EEA1: variants seen among roughly 807,000 people sequenced by gnomAD.
EEA1 encodes early endosome antigen 1, 162kD.
A neutral mutation model predicts 209.2 loss-of-function variants in EEA1; 111 were observed. That is an observed-to-expected ratio of 0.53 (90% CI 0.45 to 0.62). The LOEUF (loss-of-function observed/expected upper bound fraction) is 0.62. Among genes scored for constraint, EEA1 ranks in the 20% least tolerant of loss-of-function variants. The pLI is 0.00. For missense variants in EEA1, 1,343 were observed against 1,530.8 expected, an observed-to-expected ratio of 0.88 and a Z score of 2.05; for synonymous variants, 536 against 540.6, an observed-to-expected ratio of 0.99 and a Z score of 0.12.
intron 13 of EEA1, among the ~76,000 whole-genome samples, chr12:92,821,625 T>C (rs928246493): frequency 1.3e-5 from 2 of 152,076 alleles, no homozygotes; most frequent in African/African-American, 4.8e-5. Flanking sequence ...CTTGTCAATC[T>C]TTTTATTTGA....
At chr12:92,838,547 A>C (rs987676744) in intron 10 of EEA1, among the ~76,000 whole-genome samples, 3 of 152,188 alleles carry the variant, frequency 2.0e-5, no homozygotes, top group Non-Finnish European at 2.9e-5. Context: ...TTACTAGGGA[A>C]AAGCACAGCT....
chr12:92,877,677 TGCCACC>T (rs1179009220), intron 2 of EEA1, among the ~76,000 whole-genome samples: 1 of 152,032 alleles, frequency 6.6e-6, no homozygotes, highest in Non-Finnish European at 1.5e-5. Context: ...TACAGGTGCG[TGCCACC>T]ACACCCTTTA....
intron 1 of EEA1, among the ~76,000 whole-genome samples, chr12:92,899,250 T>C (rs558250352): frequency 1.3e-5 from 2 of 152,136 alleles, no homozygotes; most frequent in African/African-American, 4.8e-5. Context: ...CTCAGAGAAG[T>C]CAGAGAAGGT....
chr12:92,847,881 C>T (rs1327742806), intron 9 of EEA1, among the ~76,000 whole-genome samples: 1 of 152,076 alleles, frequency 6.6e-6, no homozygotes, highest in Non-Finnish European at 1.5e-5. Context: ...AAGTGCCTAA[C>T]ATAGTATCCA....
At position 92,836,213 on chromosome 12, in the gene EEA1, T is replaced by C. The variant is rs559519685; in HGVS notation, c.916-3363A>G. ...ATCCAATAAATTTTTCATAACACAA[T>C]TGAGACATTCAATAAATCAATTTGT... is the stretch of plus-strand genomic sequence containing the variant. On this transcript the variant is annotated intron_variant, in intron 10 of 28. Transcript: ENST00000322349. Among the ~76,000 whole-genome samples the C allele has an allele frequency of 5.0e-4, 76 of 152,318 alleles. No individual in the cohort carries two copies. The South Asian group carries it at 0.012, about 25-fold the overall frequency.
intron 9 of EEA1, among the ~76,000 whole-genome samples, chr12:92,847,622 G>C (rs1041874290): frequency 1.3e-5 from 2 of 152,102 alleles, no homozygotes; most frequent in African/African-American, 4.8e-5. Flanking sequence ...TTAACAATAA[G>C]TTTTAGGACA....
intron 9 of EEA1, among the ~76,000 whole-genome samples, chr12:92,846,516 T>C (rs1272445714): frequency 1.3e-5 from 2 of 152,192 alleles, no homozygotes; most frequent in Non-Finnish European, 2.9e-5. Flanking sequence ...TTCAATGAGT[T>C]TATTTGGAAA....
At chr12:92,894,437 C>A (rs911247538) in intron 1 of EEA1, among the ~76,000 whole-genome samples, 1 of 152,076 alleles carries the variant, frequency 6.6e-6, no homozygotes, top group Non-Finnish European at 1.5e-5. Context: ...AGACTAAAAG[C>A]TAGGCCTTTG....
In EEA1 at chr12:92,826,129, T is replaced by C. The variant is rs766371268; in HGVS notation, c.1524+37A>G. 12 of 1,602,106 alleles carry C rather than the reference T, an allele frequency of 7.5e-6. No individual in the cohort carries two copies. The East Asian group carries it at 2.7e-4, about 36-fold the overall frequency. On this transcript the variant is annotated intron_variant, in intron 13 of 28. Coordinates refer to ENST00000322349, the MANE Select transcript of EEA1 (RefSeq NM_003566.4). ...TATATTCTATGTAATGGTAATTAATTTGTGTTTACAAGGCTAATAACGCAA... is the reference window on the plus strand; with the variant it reads ...TATATTCTATGTAATGGTAATTAATCTGTGTTTACAAGGCTAATAACGCAA...
At chr12:92,928,475 G>A (rs1232608480) in intron 1 of EEA1, among the ~76,000 whole-genome samples, 1 of 152,206 alleles carries the variant, frequency 6.6e-6, no homozygotes, top group Admixed American at 6.5e-5. Flanking sequence ...CTTCTCGGCT[G>A]ACTGTGCCAG....
In EEA1 at chr12:92,843,691, C is replaced by T. The variant is rs571113180; in HGVS notation, c.799-1110G>A. 1.8e-4 allele frequency among the ~76,000 whole-genome samples: 27 copies of T among 152,064 alleles called. No homozygotes were observed. In the South Asian group the frequency reaches 5.4e-3, roughly 30 times the overall value. ...TATTAATATTTCTAATATTGCTTATCGGCTTTACTTTCCACTTTATTTATA... is the reference window on the plus strand; with the variant it reads ...TATTAATATTTCTAATATTGCTTATTGGCTTTACTTTCCACTTTATTTATA... On this transcript the variant is annotated intron_variant, in intron 9 of 28. Transcript: ENST00000322349.
chr12:92,884,960 A>ATT (rs3064991), intron 2 of EEA1, among the ~76,000 whole-genome samples: 72,615 of 144,634 alleles, frequency 0.5, 19,069 homozygotes, highest in East Asian at 0.91. Flanking sequence ...TTCAATGTAG[A>ATT]TTTTTTTTTT....
Position 92,857,416 on chromosome 12 carries a change from A to G in EEA1, c.300+15T>C, listed in dbSNP as rs539355508. 4.4e-6 allele frequency: 7 copies of G among 1,589,094 alleles called. No homozygotes were observed. The African/African-American group carries it at 6.8e-5, about 15-fold the overall frequency. On this transcript the variant is annotated intron_variant, in intron 4 of 28. Coordinates refer to ENST00000322349, the MANE Select transcript of EEA1 (RefSeq NM_003566.4). ...AACACTGAAAATAAAAAGGTATAAC[A>G]ATTTTTATTCTTACCTTAAGTGAAG...
At chr12:92,892,347 C>T (rs1003134492) in intron 1 of EEA1, among the ~76,000 whole-genome samples, 2 of 152,114 alleles carry the variant, frequency 1.3e-5, no homozygotes, top group Non-Finnish European at 2.9e-5. Context: ...CCACCTCCGC[C>T]TCCCAAAGTG....
intron 2 of EEA1, among the ~76,000 whole-genome samples, chr12:92,875,130 C>T (rs899555679): frequency 6.6e-6 from 1 of 152,128 alleles, no homozygotes; most frequent in African/African-American, 2.4e-5. Context: ...AAGAAGCTTA[C>T]AGCCTCTCTG....
intron 2 of EEA1, among the ~76,000 whole-genome samples, chr12:92,867,058 G>T (rs978285447): frequency 1.1e-4 from 16 of 150,292 alleles, no homozygotes; most frequent in Non-Finnish European, 1.8e-4. Flanking sequence ...CTTCCACAGA[G>T]CTGCCAGAGG....
chr12:92,885,815 C>T (rs945194598), intron 2 of EEA1, among the ~76,000 whole-genome samples: 3 of 152,126 alleles, frequency 2.0e-5, no homozygotes, highest in Admixed American at 6.5e-5. Context: ...AGTGGACCTG[C>T]GCAGTTCAAA....
rs77203964 is a variant in EEA1 at position 92,896,454 on chromosome 12, C to T, written c.25-4733G>A. 3.6e-3 allele frequency among the ~76,000 whole-genome samples: 552 copies of T among 152,178 alleles called. 2 individuals are homozygous for T. Among genetic ancestry groups the T allele is most frequent in the African/African-American group, 0.013 (528 of 41,532 alleles). ...AGTTGATAAAGCATCAGCAGCTTTT[C>T]GGAGGATTGACTCAAGTTTTGAAGG... On this transcript the variant is annotated intron_variant, in intron 1 of 28. Transcript: ENST00000322349.
rs781270194 is a variant in EEA1 at position 92,801,647 on chromosome 12, G to C, written c.2725C>G (p.Leu909Val). 6.3e-7 allele frequency: 1 copy of C among 1,594,552 alleles called. No homozygotes were observed. Among genetic ancestry groups the C allele is most frequent in the Admixed American group, 1.8e-5 (1 of 56,814 alleles). The change falls in exon 20 of 29, where the codon CTT becomes GTT. Residue 909 changes from leucine (L) to valine (V), a missense_variant. Leu to Val is a conservative substitution (Grantham distance 32). Around this residue, in one of 3 missense-constraint regions of EEA1, gnomAD observed 1,307 missense variants for 1,465.5 expected, o/e 0.89. Transcript: ENST00000322349. ...TTTTTCAGTTCCTTCTGTTCCTTAA[G>C]TGTGTTTTCCATCTGCACTTGAAGT... is the stretch of plus-strand genomic sequence containing the variant. ...HQLQVQMENT[L>V]KEQKELKKSL... is the part of the protein sequence containing the mutation.
Sources: gnomAD v4.1 joint callset for allele counts (sites outside exome capture counted in the v4.1 genomes callset) on GRCh38, gnomAD v4.1.1 for gene constraint, gnomAD v4.1.1 regional missense constraint, MANE v1.5 for transcripts, NCBI Gene and HGNC (gene_info 2026-07-23, HGNC 2026-07-21) for gene names.